The following NALF1 variants were observed in gnomAD, a reference collection of about 807,000 sequenced individuals.
NALF1 encodes the protein family with sequence similarity 155 member A.
In NALF1, 3 loss-of-function variants were observed where a neutral mutation model predicts 48.4. The ratio of observed to expected loss-of-function variants is 0.06; its 90% CI spans 0.03 to 0.16. NALF1 has a LOEUF of 0.16. Among genes scored for constraint, NALF1 ranks in the 10% least tolerant of loss-of-function variants. The pLI is 1.00. For synonymous variants in NALF1, 262 were observed against 245.7 expected (o/e 1.07, Z -0.62); for missense variants, 526 against 571.5 (o/e 0.92, Z 0.81).
chr13:107,181,613 C>T (rs1482740225), intron 2 of NALF1, among the ~76,000 whole-genome samples: 10 of 134,754 alleles, frequency 7.4e-5, no homozygotes, highest in South Asian at 2.3e-4. Context: ...ACTATATAGA[C>T]TTTTTTTTTT....
At chr13:107,181,592 C>G (rs1879062671) in intron 2 of NALF1, among the ~76,000 whole-genome samples, 3 of 134,844 alleles carry the variant, frequency 2.2e-5, no homozygotes, top group South Asian at 4.7e-4. Flanking sequence ...CAATTGTTTT[C>G]CTTGTGTCTT....
At chr13:107,520,520 T>C (rs1183086881) in intron 1 of NALF1, among the ~76,000 whole-genome samples, 1 of 152,218 alleles carries the variant, frequency 6.6e-6, no homozygotes, top group African/African-American at 2.4e-5. Context: ...AAACATTTCA[T>C]AAGGTAGGAT....
chr13:107,614,954 T>G (rs545304243), intron 1 of NALF1, among the ~76,000 whole-genome samples: 23 of 152,094 alleles, frequency 1.5e-4, no homozygotes, highest in African/African-American at 5.1e-4. Flanking sequence ...TTTTTGTATT[T>G]TTAGTAGAGA....
chr13:107,625,174 T>C (rs1879634044), intron 1 of NALF1, among the ~76,000 whole-genome samples: 1 of 152,108 alleles, frequency 6.6e-6, no homozygotes, highest in Admixed American at 6.6e-5. Flanking sequence ...GATAATTTGA[T>C]CTTAGCCTAT....
chr13:107,364,277 A>C (rs904622641), intron 1 of NALF1, among the ~76,000 whole-genome samples: 2 of 152,228 alleles, frequency 1.3e-5, no homozygotes, highest in African/African-American at 2.4e-5. Flanking sequence ...TTTGTTATTG[A>C]TCTTGAACAA....
intron 1 of NALF1, among the ~76,000 whole-genome samples, chr13:107,231,485 A>AC (rs1267378916): frequency 2.0e-5 from 3 of 152,200 alleles, no homozygotes; most frequent in Non-Finnish European, 4.4e-5. Flanking sequence ...AAGTTGCATT[A>AC]CCTTCAGACT....
At chr13:107,449,014 C>G in intron 1 of NALF1, among the ~76,000 whole-genome samples, 1 of 152,168 alleles carries the variant, frequency 6.6e-6, no homozygotes, top group South Asian at 2.1e-4. Context: ...GAGGCCGAGG[C>G]GGGCGGATCA....
At chr13:107,691,785 C>A in intron 1 of NALF1, among the ~76,000 whole-genome samples, 1 of 151,876 alleles carries the variant, frequency 6.6e-6, no homozygotes. Context: ...GAATAATGTA[C>A]AAAAATAACA....
chr13:107,764,431 C>CTG (rs369988050), intron 1 of NALF1, among the ~76,000 whole-genome samples: 16 of 151,598 alleles, frequency 1.1e-4, no homozygotes, highest in Non-Finnish European at 1.2e-4. Flanking sequence ...ACTTATACAT[C>CTG]TGTGTGTGTG....
At chr13:107,401,357 A>G (rs1312913822) in intron 1 of NALF1, among the ~76,000 whole-genome samples, 1 of 152,154 alleles carries the variant, frequency 6.6e-6, no homozygotes, top group Non-Finnish European at 1.5e-5. Context: ...CCTCCCCTCA[A>G]AAGGGGTTAC....
Position 107,867,092 on chromosome 13 carries a change from C to T in NALF1, c.-496G>A, listed in dbSNP as rs1880760442. Among the ~76,000 whole-genome samples, 2 of 151,786 alleles carry T rather than the reference C, an allele frequency of 1.3e-5. No homozygotes were observed. The highest frequency in any genetic ancestry group is 4.0e-4 in the East Asian group (2 of 5,028). ...CCCTGCCAGGGGCATGCCGCGCCTC[C>T]GCTGCCCACTGACGGCGCCCGGAGC... On this transcript the variant is annotated 5_prime_UTR_variant, in exon 1 of 3. Transcript: ENST00000375915. The surrounding 1 kb of genome is among the most constrained non-coding windows in gnomAD (Gnocchi z 4.4).
chr13:107,345,837 T>A (rs1024352387), intron 1 of NALF1, among the ~76,000 whole-genome samples: 9 of 152,152 alleles, frequency 5.9e-5, no homozygotes, highest in Admixed American at 3.3e-4. Flanking sequence ...AAAAAATATT[T>A]CCAACCCTTT....
rs1221098768 is a variant in NALF1 at position 107,167,165 on chromosome 13, C to CAAAT, written c.*3328_*3331dup. 6.6e-6 allele frequency: 1 copy of CAAAT among 152,008 alleles called. No individual in the cohort carries two copies. The highest frequency in any genetic ancestry group is 1.5e-5 in the Non-Finnish European group (1 of 68,008). 9.4% of individuals were successfully genotyped at this position (152,008 alleles called of 1,614,324 possible). Reference sequence around the variant, plus strand: ...AAATCTATGCCATACATTTATGAAACAAATATTGTTTTCTTGGTTTTCAAC... The same window carrying CAAAT: ...AAATCTATGCCATACATTTATGAAACAAATAAATATTGTTTTCTTGGTTTTCAAC... On this transcript the variant is annotated 3_prime_UTR_variant, in exon 3 of 3. Transcript: ENST00000375915.
intron 1 of NALF1, among the ~76,000 whole-genome samples, chr13:107,395,038 T>C (rs936134165): frequency 1.3e-5 from 2 of 152,176 alleles, no homozygotes; most frequent in African/African-American, 2.4e-5. Context: ...AGGAGAGAGA[T>C]GACAATATAA....
At chr13:107,285,398 G>T (rs2138876848) in intron 1 of NALF1, among the ~76,000 whole-genome samples, 1 of 152,296 alleles carries the variant, frequency 6.6e-6, no homozygotes, top group South Asian at 2.1e-4. Context: ...AAGGACATAG[G>T]TACTGCCACC....
At chr13:107,355,014 T>A (rs1259642968) in intron 1 of NALF1, among the ~76,000 whole-genome samples, 1 of 152,182 alleles carries the variant, frequency 6.6e-6, no homozygotes, top group Non-Finnish European at 1.5e-5. Context: ...GGCATGGATT[T>A]GAGACCTTCA....
intron 1 of NALF1, among the ~76,000 whole-genome samples, chr13:107,267,315 C>T (rs1252031840): frequency 1.3e-5 from 2 of 151,818 alleles, no homozygotes; most frequent in East Asian, 1.9e-4. Flanking sequence ...TACAGTCAAG[C>T]AAAGTGATGT....
intron 1 of NALF1, among the ~76,000 whole-genome samples, chr13:107,857,971 T>C (rs956195068): frequency 6.6e-6 from 1 of 152,212 alleles, no homozygotes; most frequent in African/African-American, 2.4e-5. Context: ...TATGAATTCA[T>C]AGAAATTATC....
At chr13:107,442,385 A>C (rs938395686) in intron 1 of NALF1, among the ~76,000 whole-genome samples, 2 of 152,254 alleles carry the variant, frequency 1.3e-5, no homozygotes, top group African/African-American at 2.4e-5. Context: ...AAAGCAAAGC[A>C]AAAGACCAGC....
Sources: gnomAD v4.1 joint callset for allele counts (sites outside exome capture counted in the v4.1 genomes callset) on GRCh38, gnomAD v4.1.1 for gene constraint, Gnocchi (gnomAD v3.1) non-coding constraint, MANE v1.5 for transcripts, NCBI Gene and HGNC (gene_info 2026-07-23, HGNC 2026-07-21) for gene names.